Variants in PABIR3 observed in about 807,000 individuals in gnomAD.
PABIR3 encodes PABIR family member 1.
A neutral mutation model predicts 23.1 loss-of-function variants in PABIR3; 20 were observed. The observed-to-expected ratio is 0.86, with a 90% confidence interval of 0.61 to 1.26. The LOEUF is 1.26. Among genes scored for constraint, PABIR3 ranks in the 50% most tolerant of loss-of-function variants. PABIR3 has a pLI of 0.00. For missense variants in PABIR3, 189 were observed against 195.4 expected, an observed-to-expected ratio of 0.97 and a Z score of 0.20; for synonymous variants, 69 against 68.5, an observed-to-expected ratio of 1.01 and a Z score of -0.04.
At chrX:134,852,746 T>C in intron 9 of PABIR3, 54 bp from the exon 10 acceptor site, 5 of 715,095 alleles carry the variant, frequency 7.0e-6, no homozygotes, top group Non-Finnish European at 7.6e-6. Context: ...GCAATTAAAA[T>C]AATAATAAAC....
upstream of PABIR3, chrX:134,807,064 C>T: frequency 2.0e-6 from 1 of 510,989 alleles, no homozygotes. Context: ...GAGGGCAGGA[C>T]ATGGGGATAA....
intron 4 of PABIR3, among the ~76,000 whole-genome samples, chrX:134,837,074 GGTGGCTCAC>G (rs1370806395): frequency 9.0e-6 from 1 of 110,733 alleles, no homozygotes; most frequent in East Asian, 2.8e-4. Context: ...GGCCGGGCAC[GGTGGCTCAC>G]GCCTGTAATC....
chrX:134,849,546 A>G (rs1047921848), intron 9 of PABIR3, among the ~76,000 whole-genome samples: 27 of 111,809 alleles, frequency 2.4e-4, no homozygotes, highest in African/African-American at 8.7e-4. Context: ...ATGAATGAAC[A>G]GAGTGAGTCA....
chrX:134,827,621 C>T (rs1021747747), intron 3 of PABIR3, among the ~76,000 whole-genome samples: 1 of 111,514 alleles, frequency 9.0e-6, no homozygotes, highest in Non-Finnish European at 1.9e-5. Context: ...TCCTATTGTG[C>T]TCAAAGGCTA....
rs865946484 is a variant in PABIR3, at chrX:134,807,570, G to A, written c.-29G>A. The A allele has an allele frequency of 8.3e-7, 1 of 1,208,025 alleles. No individual in the cohort carries two copies. Among genetic ancestry groups the A allele is most frequent in the East Asian group, 3.0e-5 (1 of 33,697 alleles). Reference sequence around the variant, plus strand: ...TCCTTGTGTGGACGGGAGCCGGAAAGCCTTGAGAACTTATTCCTCGACCCG... The same window carrying A: ...TCCTTGTGTGGACGGGAGCCGGAAAACCTTGAGAACTTATTCCTCGACCCG... On this transcript the variant is annotated 5_prime_UTR_variant, in exon 2 of 11. Coordinates refer to ENST00000645433, the MANE Select transcript of PABIR3 (RefSeq NM_001388447.1).
At chrX:134,806,994 C>A, upstream of PABIR3, 1 of 152,854 alleles carries the variant, frequency 6.5e-6, no homozygotes, top group Non-Finnish European at 1.1e-5. Context: ...GAAACCATGC[C>A]AGGGTTAGTA....
intron 4 of PABIR3, among the ~76,000 whole-genome samples, chrX:134,837,502 T>A (rs2082010650): frequency 4.5e-5 from 5 of 112,261 alleles, no homozygotes; most frequent in Admixed American, 1.9e-4. Context: ...AGTTCCCATT[T>A]TTACCATGTA....
chrX:134,814,764 T>C lies in PABIR3; in HGVS notation c.111-7T>C. 3 of 1,163,956 alleles carry C rather than the reference T, an allele frequency of 2.6e-6. No individual in the cohort carries two copies. Among genetic ancestry groups the C allele is most frequent in the Non-Finnish European group, 3.5e-6 (3 of 867,398 alleles). ...TATATAACACATGTTTTTGTTTTTCTTTTTAGTTTTAATTCACAGGTGTTG... is the reference window on the plus strand; with the variant it reads ...TATATAACACATGTTTTTGTTTTTCCTTTTAGTTTTAATTCACAGGTGTTG... On this transcript the variant is annotated splice_polypyrimidine_tract_variant and splice_region_variant and intron_variant, in intron 2 of 10. Transcript: ENST00000645433.
chrX:134,856,281 G>A (rs1283968575), downstream of PABIR3, among the ~76,000 whole-genome samples: 2 of 109,166 alleles, frequency 1.8e-5, no homozygotes, highest in Non-Finnish European at 3.8e-5. Context: ...CGCCTCCCAG[G>A]TTCAAGCAAT....
intron 9 of PABIR3, among the ~76,000 whole-genome samples, chrX:134,850,560 G>A (rs2082596586): frequency 8.9e-6 from 1 of 111,989 alleles, no homozygotes; most frequent in African/African-American, 3.2e-5. Context: ...AGAGCTGTTA[G>A]AAGTCAAGGG....
intron 3 of PABIR3, among the ~76,000 whole-genome samples, chrX:134,828,213 C>T (rs1755011699): frequency 9.3e-6 from 1 of 107,464 alleles, no homozygotes; most frequent in African/African-American, 3.4e-5. Flanking sequence ...TCTTAAAAAT[C>T]CCAAGTAGCT....
upstream of PABIR3, among the ~76,000 whole-genome samples, chrX:134,803,868 C>T (rs187273086): frequency 5.0e-4 from 55 of 110,349 alleles, no homozygotes; most frequent in Admixed American, 3.1e-3. Context: ...CTTTGGCCAT[C>T]ATTTCTAGGT....
chrX:134,849,008 A>G (rs1265679600), intron 8 of PABIR3, among the ~76,000 whole-genome samples, 159 bp from the exon 9 acceptor site: 2 of 111,991 alleles, frequency 1.8e-5, no homozygotes, highest in African/African-American at 6.5e-5. Flanking sequence ...CATCTCAGAA[A>G]AAAAGTAAAA....
the PABIR3 span, among the ~76,000 whole-genome samples, chrX:134,860,718 A>C: frequency 8.9e-6 from 1 of 112,071 alleles, no homozygotes; most frequent in East Asian, 2.8e-4. Flanking sequence ...TGCTGGGGCA[A>C]CTGAGTAGTC....
At chrX:134,847,529 T>TCA in intron 7 of PABIR3, 54 bp downstream of exon 7, 2 of 899,860 alleles carry the variant, frequency 2.2e-6, no homozygotes, top group South Asian at 2.2e-5. Context: ...AGGAAATATT[T>TCA]AGGAACATTA....
the PABIR3 span, among the ~76,000 whole-genome samples, chrX:134,860,322 C>G: frequency 8.9e-5 from 10 of 111,918 alleles, no homozygotes; most frequent in Admixed American, 3.8e-4. Context: ...CTCCTGGCCT[C>G]AAGTGATCTG....
intron 2 of PABIR3, among the ~76,000 whole-genome samples, chrX:134,811,364 C>T (rs890256183): frequency 3.6e-5 from 4 of 110,069 alleles, no homozygotes; most frequent in Non-Finnish European, 7.6e-5. Flanking sequence ...AAAACCTCTA[C>T]CTTGACCCTG....
intron 2 of PABIR3, chrX:134,810,596 T>A: frequency 2.7e-6 from 2 of 753,532 alleles, no homozygotes; most frequent in Non-Finnish European, 3.1e-6. Context: ...GAGAAGTTAT[T>A]CTGAAGCAAG....
At chrX:134,809,398 C>T (rs1368630886) in intron 2 of PABIR3, 2 of 394,821 alleles carry the variant, frequency 5.1e-6, no homozygotes, top group Non-Finnish European at 3.2e-6. Context: ...ATCTCCTGAC[C>T]TTGTGATCCG....
Sources: allele counts gnomAD v4.1 joint callset (sites outside exome capture counted in the v4.1 genomes callset), GRCh38; gene constraint gnomAD v4.1.1; transcripts MANE v1.5; gene names NCBI Gene and HGNC (gene_info 2026-07-23, HGNC 2026-07-21).